ZFHX3: variants seen among roughly 807,000 people sequenced by gnomAD.
The protein encoded by ZFHX3 is zinc finger homeobox 3, also known as zinc finger homeobox protein 3.
A neutral mutation model predicts 279.1 loss-of-function variants in ZFHX3; 42 were observed. The observed-to-expected ratio is 0.15, with a 90% confidence interval of 0.12 to 0.19. The LOEUF is 0.19. Ranked by LOEUF, ZFHX3 falls within the 10% of genes least tolerant of loss-of-function variation. ZFHX3 has a pLI of 1.00. For synonymous variants in ZFHX3, 2,293 were observed against 1,957.8 expected (o/e 1.17, Z -4.52); for missense variants, 4,981 against 4,754.0 (o/e 1.05, Z -1.40).
At chr16:73,080,016 C>G (rs2144764641) in intron 8 of ZFHX3, among the ~76,000 whole-genome samples, 1 of 152,306 alleles carries the variant, frequency 6.6e-6, no homozygotes, top group Non-Finnish European at 1.5e-5. Flanking sequence ...TCTTTCTGAG[C>G]TAGGAACTGC....
intron 7 of ZFHX3, among the ~76,000 whole-genome samples, chr16:73,114,731 T>C (rs1208902271): frequency 6.6e-6 from 1 of 152,178 alleles, no homozygotes; most frequent in Non-Finnish European, 1.5e-5. Flanking sequence ...AGCAATTTTC[T>C]GCAAGGAAAT....
At chr16:72,864,386 T>A (rs1413987355) in intron 4 of ZFHX3, among the ~76,000 whole-genome samples, 1 of 152,178 alleles carries the variant, frequency 6.6e-6, no homozygotes, top group Non-Finnish European at 1.5e-5. Flanking sequence ...GAAGCACATG[T>A]ACAAACAAGA....
intron 1 of ZFHX3, among the ~76,000 whole-genome samples, chr16:73,729,880 C>T (rs777334095): frequency 6.6e-6 from 1 of 152,138 alleles, no homozygotes; most frequent in Non-Finnish European, 1.5e-5. Context: ...CAGGCTGCCT[C>T]AGTAACCGTC....
chr16:72,887,895 G>A (rs745981298), intron 4 of ZFHX3, among the ~76,000 whole-genome samples: 5 of 152,036 alleles, frequency 3.3e-5, no homozygotes, highest in East Asian at 1.9e-4. Flanking sequence ...GTGCGAGAAC[G>A]TGTATGAGGT....
chr16:73,236,766 AT>A (rs1365064819), intron 5 of ZFHX3, among the ~76,000 whole-genome samples: 6 of 152,174 alleles, frequency 3.9e-5, no homozygotes, highest in African/African-American at 1.4e-4. Context: ...TTTCTTTTTC[AT>A]TTTAAAAAAT....
intron 2 of ZFHX3, among the ~76,000 whole-genome samples, chr16:73,636,420 G>T (rs1006325813): frequency 2.0e-5 from 3 of 152,052 alleles, no homozygotes; most frequent in South Asian, 2.1e-4. Flanking sequence ...AATAAGATAA[G>T]AAAAATAACT....
At chr16:73,492,492 C>T (rs887635580) in intron 2 of ZFHX3, among the ~76,000 whole-genome samples, 4 of 152,230 alleles carry the variant, frequency 2.6e-5, no homozygotes, top group African/African-American at 9.6e-5. Context: ...ACCAGGGAAG[C>T]TGCATGGCAG....
intron 2 of ZFHX3, among the ~76,000 whole-genome samples, chr16:73,665,728 G>C (rs1050134954): frequency 6.6e-6 from 1 of 150,806 alleles, no homozygotes; most frequent in Non-Finnish European, 1.5e-5. Context: ...CACATAAATA[G>C]AGAGATGATT....
In ZFHX3 at chr16:73,315,210, T is replaced by C. The variant is rs1323502433; in HGVS notation, c.-1194+3030A>G. Among the ~76,000 whole-genome samples, 4 of 142,306 alleles carry C rather than the reference T, an allele frequency of 2.8e-5. No homozygotes were observed. The Admixed American group carries it at 2.9e-4, about 10-fold the overall frequency. The allele number at this position is 142,306 out of a possible 152,430, so 93.4% of individuals were successfully genotyped here. A position where few individuals can be genotyped will look rare whatever the true frequency, so the allele number is the denominator to read the frequency against. On this transcript the variant is annotated intron_variant, in intron 4 of 17. Coordinates refer to the ZFHX3 transcript ENST00000641206. ...CTGGGTGACAAGAGTGAAAACTCCA[T>C]CTCAAAAAGAAAAAAAAAAAAAAGA...
At chr16:73,085,970 C>A (rs1597151492) in intron 8 of ZFHX3, among the ~76,000 whole-genome samples, 1 of 57,538 alleles carries the variant, frequency 1.7e-5, no homozygotes, top group Non-Finnish European at 3.3e-5. Context: ...ATAAGGAACT[C>A]AAACAACTCA....
chr16:72,965,645 A>G (rs1486540265), intron 1 of ZFHX3, among the ~76,000 whole-genome samples: 1 of 152,148 alleles, frequency 6.6e-6, no homozygotes, highest in Non-Finnish European at 1.5e-5. Flanking sequence ...ACACAAATAC[A>G]CTCAAATAAA....
intron 5 of ZFHX3, among the ~76,000 whole-genome samples, chr16:73,187,721 G>A (rs890414355): frequency 6.6e-6 from 1 of 152,198 alleles, no homozygotes; most frequent in East Asian, 1.9e-4. Context: ...GGTGATCCTG[G>A]CTTTGTTCAC....
intron 2 of ZFHX3, chr16:73,543,908 G>GAGAGAC (rs1409727420): frequency 2.0e-5 from 3 of 150,918 alleles, no homozygotes; most frequent in Admixed American, 1.3e-4. Context: ...GAGAGAGAGA[G>GAGAGAC]AGACAGAGGG....
chr16:72,850,701 T>G (rs1239804033), intron 4 of ZFHX3, among the ~76,000 whole-genome samples: 1 of 152,080 alleles, frequency 6.6e-6, no homozygotes, highest in Non-Finnish European at 1.5e-5. Flanking sequence ...TGCCTCCCCC[T>G]AAGATGTGCT....
intron 8 of ZFHX3, among the ~76,000 whole-genome samples, chr16:73,080,285 T>C (rs1965928693): frequency 6.6e-6 from 1 of 152,202 alleles, no homozygotes; most frequent in Non-Finnish European, 1.5e-5. Context: ...CTCATGGAGC[T>C]CCTACTTCAG....
In ZFHX3 at chr16:73,184,507, G is replaced by A. The variant is rs552123704; in HGVS notation, c.-1103-40676C>T. ...GGAGGTGCTCTGCCACTGCCCAAGT[G>A]GGGATTTATTTCAAATGGGCTCAGC... On this transcript the variant is annotated intron_variant, in intron 5 of 17. Transcript: ENST00000641206. Among the ~76,000 whole-genome samples, 10 of 152,278 alleles carry A rather than the reference G, an allele frequency of 6.6e-5. No individual in the cohort carries two copies. In the South Asian group the frequency reaches 2.1e-3, roughly 32 times the overall value.
chr16:73,545,587 G>C (rs1881373187), intron 2 of ZFHX3, among the ~76,000 whole-genome samples: 1 of 152,098 alleles, frequency 6.6e-6, no homozygotes, highest in Non-Finnish European at 1.5e-5. Context: ...AAAAATCGGA[G>C]CCCAGTTTCC....
chr16:72,788,339 G>C lies in ZFHX3; in HGVS notation c.9937C>G (p.Pro3313Ala). 6 of 1,614,188 alleles carry C rather than the reference G, an allele frequency of 3.7e-6. No homozygotes were observed. The highest frequency in any genetic ancestry group is 4.2e-6 in the Non-Finnish European group (5 of 1,180,030). Residue 3313 changes from proline (P) to alanine (A), a missense_variant, in exon 10 of 10, where the codon CCA becomes GCA. This residue lies in a region of ZFHX3 where 1,034 missense variants were observed against 786.0 expected (regional missense o/e 1.32). Transcript: ENST00000268489. Reference sequence around the variant, plus strand: ...GGAGCATAATAAGGAGAAAAGCCTGGTACAAAGTAAGGAAGGAACTGGCTT... The same window carrying C: ...GGAGCATAATAAGGAGAAAAGCCTGCTACAAAGTAAGGAAGGAACTGGCTT... ...LTSQFLPYFV[P>A]GFSPYYAPQI...
intron 2 of ZFHX3, among the ~76,000 whole-genome samples, chr16:73,667,212 G>A (rs1045980782): frequency 4.6e-5 from 7 of 151,948 alleles, no homozygotes; most frequent in South Asian, 4.2e-4. Flanking sequence ...GACTGGTCTC[G>A]AACTCTTGAC....
Sources: allele counts gnomAD v4.1 joint callset (sites outside exome capture counted in the v4.1 genomes callset), GRCh38; gene constraint gnomAD v4.1.1; regional missense constraint gnomAD v4.1.1; transcripts MANE v1.5; gene names NCBI Gene and HGNC (gene_info 2026-07-23, HGNC 2026-07-21).